Variants in ZDHHC11 observed in about 807,000 individuals in gnomAD.
ZDHHC11 encodes zDHHC palmitoyltransferase 11.
A neutral mutation model predicts 51.3 loss-of-function variants in ZDHHC11; 44 were observed. The ratio of observed to expected loss-of-function variants is 0.86; its 90% CI spans 0.67 to 1.10. The LOEUF (loss-of-function observed/expected upper bound fraction) is 1.10, where lower values mean the gene tolerates loss of function less well. ZDHHC11 is among the 50% of genes least tolerant of loss of function. The pLI, the probability that ZDHHC11 is intolerant of heterozygous loss-of-function variation, is 0.00. For missense variants in ZDHHC11, 400 were observed against 537.7 expected, an observed-to-expected ratio of 0.74 and a Z score of 2.53; for synonymous variants, 163 against 222.0, an observed-to-expected ratio of 0.73 and a Z score of 2.36.
At chr5:797,905 CT>C (rs1173737730) in intron 12 of ZDHHC11, among the ~76,000 whole-genome samples, 1 of 150,538 alleles carries the variant, frequency 6.6e-6, no homozygotes, top group African/African-American at 2.4e-5. Flanking sequence ...TTATGCTTGG[CT>C]CCTGGGAATG....
intron 8 of ZDHHC11, among the ~76,000 whole-genome samples, chr5:822,989 T>G (rs1047723106): frequency 1.3e-4 from 19 of 149,936 alleles, no homozygotes; most frequent in Admixed American, 2.7e-4. Context: ...ATTTAAAAAC[T>G]GAGCTGTTGT....
chr5:801,313 A>T, intron 11 of ZDHHC11, 149 bp from the exon 12 acceptor site: 5 of 1,029,242 alleles, frequency 4.9e-6, no homozygotes, highest in Non-Finnish European at 7.0e-6. Flanking sequence ...TGAGTTTCAG[A>T]GCCTTCATTT....
Position 814,754 on chromosome 5 carries a change from A to C in ZDHHC11, c.1181+7T>G. 1.3e-6 allele frequency: 2 copies of C among 1,560,356 alleles called. No individual in the cohort carries two copies. Among genetic ancestry groups the C allele is most frequent in the Middle Eastern group, 1.7e-4 (1 of 5,954 alleles). On this transcript the variant is annotated splice_region_variant and intron_variant, in intron 11 of 12. Coordinates refer to ENST00000283441, the MANE Select transcript of ZDHHC11 (RefSeq NM_024786.3). ...ACAAAACGTTCCCGTTAAACTTACGAACTTACCCAAGTGTAGATATACTCG... is the reference window on the plus strand; with the variant it reads ...ACAAAACGTTCCCGTTAAACTTACGCACTTACCCAAGTGTAGATATACTCG...
At chr5:805,157 G>A (rs2150293475) in intron 11 of ZDHHC11, among the ~76,000 whole-genome samples, 2 of 151,604 alleles carry the variant, frequency 1.3e-5, no homozygotes, top group East Asian at 3.9e-4. Flanking sequence ...ACTAAGTTGG[G>A]GCTGACTGTA....
intron 11 of ZDHHC11, among the ~76,000 whole-genome samples, chr5:804,350 G>A (rs1738936425): frequency 6.6e-6 from 1 of 151,232 alleles, no homozygotes; most frequent in Non-Finnish European, 1.5e-5. Context: ...TACAGGGTTT[G>A]GTACTATCTA....
chr5:847,163 G>C (rs1373638983), intron 3 of ZDHHC11, among the ~76,000 whole-genome samples: 1 of 151,746 alleles, frequency 6.6e-6, no homozygotes, highest in South Asian at 2.1e-4. Flanking sequence ...CTGCCCTTCC[G>C]TGGCCCCACC....
In ZDHHC11 at chr5:840,608, A is replaced by T. The variant is rs1205487591; in HGVS notation, c.671T>A (p.Phe224Tyr). 1 of 1,613,756 alleles carries T rather than the reference A, an allele frequency of 6.2e-7. No homozygotes were observed. Among genetic ancestry groups the T allele is most frequent in the Non-Finnish European group, 8.5e-7 (1 of 1,179,874 alleles). The change falls in exon 5 of 13, where the codon TTC becomes TAC. Residue 224 changes from phenylalanine to tyrosine, a missense_variant. Transcript: ENST00000283441. ...MNTWLLFLPL[F>Y]PVQVQTLIVV... ...TATCAGGGTCTGCACCTGCACCGGG[A>T]ACAGGGGGAGGAACAGCAGCCACGT...
intron 9 of ZDHHC11, chr5:821,200 G>C (rs1452806844): frequency 2.6e-5 from 4 of 151,514 alleles, no homozygotes; most frequent in Non-Finnish European, 4.4e-5. Context: ...AGAAGGAAGA[G>C]GGCCAGGGGT....
At chr5:814,653 C>T in intron 11 of ZDHHC11, 108 bp downstream of exon 11, 5 of 1,208,330 alleles carry the variant, frequency 4.1e-6, no homozygotes, top group Non-Finnish European at 4.5e-6. Context: ...TCCCTTATGT[C>T]ATCAGATTAT....
At chr5:823,943 A>G in intron 8 of ZDHHC11, 1 of 411,266 alleles carries the variant, frequency 2.4e-6, no homozygotes, top group Non-Finnish European at 5.0e-6. Context: ...ATTTCCACCG[A>G]GTGTGTCTCC....
intron 11 of ZDHHC11, among the ~76,000 whole-genome samples, chr5:813,824 G>C (rs1213232576): frequency 6.7e-6 from 1 of 148,354 alleles, no homozygotes; most frequent in Non-Finnish European, 1.5e-5. Flanking sequence ...TGAGATGTGA[G>C]GTGAAGGCAG....
In ZDHHC11 at chr5:847,884, C is replaced by A. The variant is rs1746507428; in HGVS notation, c.402-269G>T. The A allele has an allele frequency of 3.9e-5, 22 of 565,210 alleles. No homozygotes were observed. The South Asian group carries it at 4.3e-4, about 11-fold the overall frequency. 35.0% of individuals were successfully genotyped at this position (565,210 alleles called of 1,614,324 possible). On this transcript the variant is annotated intron_variant, in intron 2 of 12. Transcript: ENST00000283441. ...TGAGCATAGACCCCCCGCCAGCCGTCCTACACCAGCCTCACTCTGGGCCAT... is the reference window on the plus strand; with the variant it reads ...TGAGCATAGACCCCCCGCCAGCCGTACTACACCAGCCTCACTCTGGGCCAT...
At position 819,531 on chromosome 5, in the gene ZDHHC11, C is replaced by T. The variant is rs752694431; in HGVS notation, c.1140G>A (p.Met380Ile). 1 of 1,609,506 alleles carries T rather than the reference C, an allele frequency of 6.2e-7. No homozygotes were observed. The highest frequency in any genetic ancestry group is 2.2e-5 in the East Asian group (1 of 44,874). Residue 380 changes from methionine (M) to isoleucine (I), a missense_variant, in exon 10 of 13, where the codon ATG (methionine) becomes ATA (isoleucine). Physicochemically the swap from Met to Ile is conservative, Grantham distance 10. Around this residue, in one of 5 missense-constraint regions of ZDHHC11, gnomAD observed 231 missense variants for 227.4 expected, o/e 1.02. Coordinates refer to ENST00000283441, the MANE Select transcript of ZDHHC11 (RefSeq NM_024786.3). ...GCCAGTGATTGCAACTTACCTGTGC[C>T]ATCGAGCCCCCGTCTGGGTGTACAC... is the stretch of plus-strand genomic sequence containing the variant. ...STRVHPDGGSMAQEADDAPSI... is the reference protein window; with the variant it reads ...STRVHPDGGSIAQEADDAPSI...
chr5:857,353 C>T (rs1280471315), intron 1 of ZDHHC11, among the ~76,000 whole-genome samples: 1 of 152,206 alleles, frequency 6.6e-6, no homozygotes, highest in Non-Finnish European at 1.5e-5. Context: ...TTCTCTGCAC[C>T]ACCACACATG....
chr5:858,520 T>C (rs377744386), intron 1 of ZDHHC11, among the ~76,000 whole-genome samples: 4 of 152,164 alleles, frequency 2.6e-5, no homozygotes, highest in African/African-American at 9.7e-5. Flanking sequence ...TTTATGACAC[T>C]GTGGTCCCTG....
chr5:795,913 G>A lies in ZDHHC11; in HGVS notation c.*675C>T, dbSNP rs878979997. On this transcript the variant is annotated 3_prime_UTR_variant, in exon 13 of 13. Transcript: ENST00000283441. ...CTGTGGGCTCCCATTTCCCAGTACTGTGCTCCCATTTCCCAGTACTGTGTG... is the reference window on the plus strand; with the variant it reads ...CTGTGGGCTCCCATTTCCCAGTACTATGCTCCCATTTCCCAGTACTGTGTG... 2.5e-5 allele frequency: 2 copies of A among 80,860 alleles called. No individual in the cohort carries two copies. The highest frequency in any genetic ancestry group is 1.4e-4 in the African/African-American group (2 of 14,178). 5.0% of individuals were successfully genotyped at this position (80,860 alleles called of 1,614,324 possible).
intron 12 of ZDHHC11, 131 bp downstream of exon 12, chr5:800,969 C>A (rs1738328080): frequency 9.6e-7 from 1 of 1,037,822 alleles, no homozygotes; most frequent in African/African-American, 1.5e-5. Context: ...TTACTGTTGA[C>A]ATCAAGAGAC....
chr5:835,111 G>A (rs868809796), intron 6 of ZDHHC11, among the ~76,000 whole-genome samples: 1,663 of 149,614 alleles, frequency 0.011, 18 homozygotes, highest in African/African-American at 0.04. Flanking sequence ...AGATCACAGA[G>A]ATTTCATTCT....
chr5:798,952 G>C (rs1227116001), intron 12 of ZDHHC11, among the ~76,000 whole-genome samples: 1 of 152,106 alleles, frequency 6.6e-6, no homozygotes, highest in African/African-American at 2.4e-5. Context: ...CAGACAAGCT[G>C]TGGTTGGCTG....
Sources: allele counts gnomAD v4.1 joint callset (sites outside exome capture counted in the v4.1 genomes callset), GRCh38; gene constraint gnomAD v4.1.1; regional missense constraint gnomAD v4.1.1; transcripts MANE v1.5; gene names NCBI Gene and HGNC (gene_info 2026-07-23, HGNC 2026-07-21).